The following POU6F2 variants were observed in gnomAD, a reference collection of about 807,000 sequenced individuals.
POU6F2 encodes POU class 6 homeobox 2.
In POU6F2, 31 loss-of-function variants were observed where a neutral mutation model predicts 71.3. The ratio of observed to expected loss-of-function variants is 0.43; its 90% CI spans 0.33 to 0.59. The LOEUF is 0.59. POU6F2 is among the 20% of genes least tolerant of loss of function. POU6F2 has a pLI of 0.04. For synonymous variants in POU6F2, 347 were observed against 355.7 expected, an observed-to-expected ratio of 0.98 and a Z score of 0.27; for missense variants, 783 against 856.8, an observed-to-expected ratio of 0.91 and a Z score of 1.07.
chr7:39,100,861 G>A (rs551680183), intron 2 of POU6F2, among the ~76,000 whole-genome samples: 6 of 152,042 alleles, frequency 3.9e-5, no homozygotes, highest in East Asian at 1.9e-4. Flanking sequence ...CAGTGTCAGC[G>A]TGGAAAGAAT....
intron 5 of POU6F2, among the ~76,000 whole-genome samples, chr7:39,368,460 C>T (rs1236078866): frequency 2.0e-5 from 3 of 152,202 alleles, no homozygotes; most frequent in Non-Finnish European, 4.4e-5. Flanking sequence ...AAGAAGCCAT[C>T]TCCATAATGT....
At chr7:39,168,774 T>C (rs1174206776) in intron 2 of POU6F2, among the ~76,000 whole-genome samples, 1 of 152,174 alleles carries the variant, frequency 6.6e-6, no homozygotes, top group African/African-American at 2.4e-5. Flanking sequence ...ACCTGATGTG[T>C]CTCTCCTGCA....
chr7:39,253,783 C>T (rs187302651), intron 4 of POU6F2, among the ~76,000 whole-genome samples: 7 of 152,268 alleles, frequency 4.6e-5, no homozygotes, highest in Admixed American at 2.0e-4. Context: ...TTTTCTTTCT[C>T]GGCTAAGCTT....
chr7:39,035,197 C>G (rs1790030787), intron 1 of POU6F2, among the ~76,000 whole-genome samples: 1 of 151,638 alleles, frequency 6.6e-6, no homozygotes, highest in South Asian at 2.1e-4. Flanking sequence ...TAGAAGAGTT[C>G]CGATTTTGTG....
chr7:39,329,080 A>T (rs906330828), intron 4 of POU6F2: 1 of 156,278 alleles, frequency 6.4e-6, no homozygotes, highest in African/African-American at 2.4e-5. Flanking sequence ...ATTTTATCCC[A>T]TGTGTATAAT....
chr7:39,449,438 G>A (rs1788603977), intron 7 of POU6F2, among the ~76,000 whole-genome samples: 1 of 152,188 alleles, frequency 6.6e-6, no homozygotes, highest in African/African-American at 2.4e-5. Flanking sequence ...TAAAAAGCAT[G>A]ATGATCCTAA....
chr7:39,191,982 T>G (rs1029044204), intron 2 of POU6F2, among the ~76,000 whole-genome samples: 1 of 152,248 alleles, frequency 6.6e-6, no homozygotes, highest in African/African-American at 2.4e-5. Flanking sequence ...TTTCATATTC[T>G]AGATCTACTT....
At chr7:39,458,481 A>G (rs1049963970) in intron 8 of POU6F2, among the ~76,000 whole-genome samples, 1 of 152,078 alleles carries the variant, frequency 6.6e-6, no homozygotes, top group African/African-American at 2.4e-5. Context: ...GGGGAAAGGA[A>G]AAAAGGGCTC....
At chr7:39,075,511 G>T (rs1402364905) in intron 1 of POU6F2, among the ~76,000 whole-genome samples, 3 of 152,172 alleles carry the variant, frequency 2.0e-5, no homozygotes, top group Non-Finnish European at 4.4e-5. Flanking sequence ...CAGAAGGACA[G>T]GATTAGATGT....
At position 39,297,320 on chromosome 7, in the gene POU6F2, C is replaced by T. The variant is rs142264086; in HGVS notation, c.599-42322C>T. Among the ~76,000 whole-genome samples, 497 of 151,856 alleles carry T rather than the reference C, an allele frequency of 3.3e-3. 1 individual carries two copies. Among genetic ancestry groups the T allele is most frequent in the Non-Finnish European group, 6.1e-3 (414 of 67,990 alleles). ...AAGTCTGAGACTTTGTACTATGATA[C>T]CATCAGCATCACGGGTTTCCTATTG... On this transcript the variant is annotated intron_variant, in intron 4 of 9. Coordinates refer to ENST00000518318, the MANE Select transcript of POU6F2 (RefSeq NM_001370959.1).
At chr7:39,065,208 G>T (rs200959412) in intron 1 of POU6F2, among the ~76,000 whole-genome samples, 1 of 151,338 alleles carries the variant, frequency 6.6e-6, no homozygotes, top group South Asian at 2.1e-4. Flanking sequence ...TTCCATAATC[G>T]GTTACAATTA....
intron 5 of POU6F2, among the ~76,000 whole-genome samples, chr7:39,366,905 G>A (rs1016929568): frequency 3.3e-5 from 5 of 152,106 alleles, no homozygotes; most frequent in African/African-American, 9.7e-5. Context: ...AGGGATACAA[G>A]ATGTCAGGGC....
chr7:39,247,806 T>C (rs1463778746), intron 4 of POU6F2, among the ~76,000 whole-genome samples: 3 of 152,188 alleles, frequency 2.0e-5, no homozygotes, highest in Non-Finnish European at 4.4e-5. Flanking sequence ...TTTAAGTTAA[T>C]GGTCAACTGT....
chr7:39,358,834 A>C (rs1786316084), intron 5 of POU6F2, among the ~76,000 whole-genome samples: 1 of 151,252 alleles, frequency 6.6e-6, no homozygotes, highest in South Asian at 2.1e-4. Context: ...GCTAACCCTG[A>C]GAATAGGACA....
intron 4 of POU6F2, among the ~76,000 whole-genome samples, chr7:39,261,527 C>A (rs757596421): frequency 5.3e-5 from 8 of 152,290 alleles, no homozygotes; most frequent in South Asian, 4.1e-4. Context: ...CTCATTGAAT[C>A]TTCCCCACAA....
At chr7:39,234,712 A>T (rs1299781371) in intron 4 of POU6F2, among the ~76,000 whole-genome samples, 1 of 152,184 alleles carries the variant, frequency 6.6e-6, no homozygotes, top group African/African-American at 2.4e-5. Flanking sequence ...ATAGGAGCGA[A>T]CTACTATTTT....
intron 2 of POU6F2, among the ~76,000 whole-genome samples, chr7:39,153,855 G>A (rs1584571292): frequency 6.6e-6 from 1 of 152,254 alleles, no homozygotes; most frequent in Admixed American, 6.5e-5. Flanking sequence ...TGGAAAAACA[G>A]CCGGGTTGCT....
At chr7:39,007,888 C>T (rs1047181895) in intron 1 of POU6F2, among the ~76,000 whole-genome samples, 15 of 151,420 alleles carry the variant, frequency 9.9e-5, no homozygotes, top group African/African-American at 3.4e-4. Flanking sequence ...AGTATTCCAT[C>T]GTGTATATGT....
chr7:39,194,523 C>T (rs1416065216), intron 2 of POU6F2, among the ~76,000 whole-genome samples: 1 of 151,300 alleles, frequency 6.6e-6, no homozygotes, highest in Admixed American at 6.6e-5. Context: ...TCTGTAAAAA[C>T]GGAGCAATCA....
Sources: gnomAD v4.1 joint callset for allele counts (sites outside exome capture counted in the v4.1 genomes callset) on GRCh38, gnomAD v4.1.1 for gene constraint, MANE v1.5 for transcripts, NCBI Gene and HGNC (gene_info 2026-07-23, HGNC 2026-07-21) for gene names.